Variants in CAMTA1 observed in about 807,000 individuals in gnomAD.
The protein encoded by CAMTA1 is calmodulin-binding transcription activator 1.
In CAMTA1, 27 loss-of-function variants were observed where a neutral mutation model predicts 170.9. The observed-to-expected ratio is 0.16, with a 90% CI of 0.12 to 0.22. The LOEUF is 0.22. CAMTA1 is among the 10% of genes least tolerant of loss of function. CAMTA1 has a pLI of 1.00. For synonymous variants in CAMTA1, 833 were observed against 891.5 expected (o/e 0.93, Z 1.17); for missense variants, 1,619 against 2,217.2 (o/e 0.73, Z 5.42).
chr1:6,889,543 G>A (rs995688827), intron 3 of CAMTA1, among the ~76,000 whole-genome samples: 5 of 152,216 alleles, frequency 3.3e-5, no homozygotes, highest in Admixed American at 6.5e-5. Flanking sequence ...GTGCGCACTC[G>A]TCAGTGTCTG....
intron 5 of CAMTA1, among the ~76,000 whole-genome samples, chr1:7,284,177 C>CTTATTATTA (rs537622620): frequency 3.5e-4 from 35 of 99,312 alleles, no homozygotes; most frequent in South Asian, 1.1e-3. Flanking sequence ...TCTTCTTCTT[C>CTTATTATTA]TTATTATTAT....
rs72867172 is a variant in CAMTA1 at position 7,637,925 on chromosome 1, G to A, written c.511-2475G>A. On this transcript the variant is annotated intron_variant, in intron 6 of 22. Transcript: ENST00000303635. ...GTGATTATTAAGGAGCATGATTACC[G>A]CAATCCAGAAAAGCCGCCATTAAGG... Among the ~76,000 whole-genome samples the A allele has an allele frequency of 6.6e-3, 1,006 of 152,312 alleles. 14 individuals carry two copies. Among genetic ancestry groups the A allele is most frequent in the African/African-American group, 0.023 (964 of 41,566 alleles).
At position 7,230,447 on chromosome 1, in the gene CAMTA1, C is replaced by T. The variant is rs1159434599; in HGVS notation, c.303-19044C>T. ...CTCTGGGCTGACCCCCCCCCCCCGC[C>T]CCGCAAAGCTCTGTGGAAAGCGCCT... is the stretch of plus-strand genomic sequence containing the variant. On this transcript the variant is annotated intron_variant, in intron 4 of 22. Transcript: ENST00000303635. 6.1e-5 allele frequency among the ~76,000 whole-genome samples: 7 copies of T among 114,794 alleles called. 1 individual carries two copies. Among genetic ancestry groups the T allele is most frequent in the African/African-American group, 1.8e-4 (5 of 28,358 alleles). 75.3% of individuals were successfully genotyped at this position (114,794 alleles called of 152,430 possible).
At chr1:6,823,869 T>C (rs1256231480) in intron 2 of CAMTA1, among the ~76,000 whole-genome samples, 1 of 152,184 alleles carries the variant, frequency 6.6e-6, no homozygotes, top group East Asian at 1.9e-4. Flanking sequence ...GGTTGCTTAA[T>C]TGTAAGGCCT....
At chr1:7,728,191 CTG>C (rs2096705310) in intron 11 of CAMTA1, among the ~76,000 whole-genome samples, 1 of 152,274 alleles carries the variant, frequency 6.6e-6, no homozygotes, top group Non-Finnish European at 1.5e-5. Context: ...CACAGAGTCA[CTG>C]TGACTGTTGG....
At chr1:7,075,622 C>G (rs536780232) in intron 3 of CAMTA1, among the ~76,000 whole-genome samples, 1 of 151,486 alleles carries the variant, frequency 6.6e-6, no homozygotes, top group East Asian at 1.9e-4. Flanking sequence ...GTTGACCTGG[C>G]TCTTCTTTGA....
In CAMTA1 at chr1:7,032,517, C is replaced by G. The variant is rs765812126; in HGVS notation, c.235-58787C>G. Among the ~76,000 whole-genome samples the G allele has an allele frequency of 5.3e-5, 8 of 152,052 alleles. No homozygotes were observed. The Middle Eastern group carries it at 0.02, about 388-fold the overall frequency. On this transcript the variant is annotated intron_variant, in intron 3 of 22. Transcript: ENST00000303635. The stretch of plus-strand genomic sequence containing the variant: ...CATCTTTTTTTAAATTCTTCTCATA[C>G]CTTTTACTTATAGATTTGTTATAAA...
At chr1:7,312,977 C>T (rs368875072) in intron 5 of CAMTA1, among the ~76,000 whole-genome samples, 3 of 152,078 alleles carry the variant, frequency 2.0e-5, no homozygotes, top group Non-Finnish European at 4.4e-5. Context: ...TTATTTATTT[C>T]TATCTCGTTA....
intron 11 of CAMTA1, among the ~76,000 whole-genome samples, chr1:7,696,571 T>C (rs2096379503): frequency 6.6e-6 from 1 of 152,114 alleles, no homozygotes; most frequent in Non-Finnish European, 1.5e-5. Flanking sequence ...TAGTGCATTT[T>C]TTGAGAGTAC....
Position 7,680,812 on chromosome 1 carries a change from G to T in CAMTA1, c.2914+3079G>T, listed in dbSNP as rs976261943. On this transcript the variant is annotated intron_variant, in intron 11 of 22. Coordinates refer to ENST00000303635, the MANE Select transcript of CAMTA1 (RefSeq NM_015215.4). The surrounding 1 kb of genome is among the most constrained non-coding windows in gnomAD (Gnocchi z 4.4). ...ATTTGTTTGCTTGGCTAAAGGCCGGGGGGGGGCGTGGGTCCGGGGCGCAGA... is the reference window on the plus strand; with the variant it reads ...ATTTGTTTGCTTGGCTAAAGGCCGGTGGGGGGCGTGGGTCCGGGGCGCAGA... Among the ~76,000 whole-genome samples, 2 of 101,394 alleles carry T rather than the reference G, an allele frequency of 2.0e-5. No homozygotes were observed. The highest frequency in any genetic ancestry group is 4.2e-5 in the Non-Finnish European group (2 of 47,652). 66.5% of individuals were successfully genotyped at this position (101,394 alleles called of 152,430 possible).
intron 5 of CAMTA1, among the ~76,000 whole-genome samples, chr1:7,264,189 G>C (rs954566800): frequency 6.6e-6 from 1 of 152,172 alleles, no homozygotes; most frequent in East Asian, 1.9e-4. Context: ...AGGTGCCCTG[G>C]GGATTCTGAT....
intron 5 of CAMTA1, among the ~76,000 whole-genome samples, chr1:7,258,915 G>A (rs1244539301): frequency 6.6e-6 from 1 of 152,118 alleles, no homozygotes. Context: ...TATGGCTTAC[G>A]GGCTAAGTAG....
chr1:7,445,452 A>G (rs1161743772), intron 5 of CAMTA1, among the ~76,000 whole-genome samples: 1 of 152,098 alleles, frequency 6.6e-6, no homozygotes, highest in African/African-American at 2.4e-5. Context: ...CACTGCCCAC[A>G]GATGGTACAG....
Position 7,664,508 on chromosome 1 carries a change from A to G in CAMTA1, c.1961A>G (p.Gln654Arg). The change falls in exon 9 of 23, where the codon CAA (glutamine) becomes CGA (arginine). Residue 654 changes from glutamine to arginine, a missense_variant. Gln to Arg is a conservative substitution (Grantham distance 43). This residue lies in a region of CAMTA1 where 731 missense variants were observed against 907.6 expected (regional missense o/e 0.81). Transcript: ENST00000303635. ...MPTVKTEASS[Q>R]TSSCSGHVET... ...ACGGTGAAAACGGAGGCCTCGTCCC[A>G]AACCAGCTCCTGCAGCGGTCACGTG... is the stretch of plus-strand genomic sequence containing the variant. The G allele has an allele frequency of 6.2e-7, 1 of 1,613,308 alleles. No individual in the cohort carries two copies. Among genetic ancestry groups the G allele is most frequent in the Non-Finnish European group, 8.5e-7 (1 of 1,180,038 alleles).
At chr1:7,715,384 A>G (rs2096601384) in intron 11 of CAMTA1, among the ~76,000 whole-genome samples, 2 of 151,696 alleles carry the variant, frequency 1.3e-5, no homozygotes, top group African/African-American at 4.8e-5. Flanking sequence ...TGCAGATTGC[A>G]TAGCCCCTGA....
At chr1:6,961,926 G>A (rs1419644878) in intron 3 of CAMTA1, among the ~76,000 whole-genome samples, 1 of 152,168 alleles carries the variant, frequency 6.6e-6, no homozygotes, top group Non-Finnish European at 1.5e-5. Flanking sequence ...CCCTTTTCCT[G>A]GGGAGGGAGG....
At chr1:7,344,627 T>C (rs2084085946) in intron 5 of CAMTA1, among the ~76,000 whole-genome samples, 1 of 152,198 alleles carries the variant, frequency 6.6e-6, no homozygotes, top group African/African-American at 2.4e-5. Flanking sequence ...TTGTTGCCAG[T>C]TGAGTGAGGA....
At chr1:7,205,945 G>A (rs1462614044) in intron 4 of CAMTA1, among the ~76,000 whole-genome samples, 2 of 152,150 alleles carry the variant, frequency 1.3e-5, no homozygotes, top group Non-Finnish European at 2.9e-5. Context: ...AGTTGTTCCA[G>A]CAGCATTTAT....
intron 7 of CAMTA1, among the ~76,000 whole-genome samples, chr1:7,655,537 C>T (rs1435892258): frequency 6.6e-6 from 1 of 150,878 alleles, no homozygotes; most frequent in African/African-American, 2.4e-5. Flanking sequence ...CACACATACA[C>T]ACTGATATGC....
Sources: gnomAD v4.1 joint callset for allele counts (sites outside exome capture counted in the v4.1 genomes callset) on GRCh38, gnomAD v4.1.1 for gene constraint, gnomAD v4.1.1 regional missense constraint, Gnocchi (gnomAD v3.1) non-coding constraint, MANE v1.5 for transcripts, NCBI Gene and HGNC (gene_info 2026-07-23, HGNC 2026-07-21) for gene names.